Variants in GPHN observed in about 807,000 individuals in gnomAD.
GPHN encodes gephyrin.
A neutral mutation model predicts 95.5 loss-of-function variants in GPHN; 17 were observed. The ratio of observed to expected loss-of-function variants is 0.18; its 90% confidence interval spans 0.12 to 0.27. The LOEUF (loss-of-function observed/expected upper bound fraction) is 0.27, where lower values mean the gene tolerates loss of function less well. Among genes scored for constraint, GPHN ranks in the 10% least tolerant of loss-of-function variants. The pLI, the probability that GPHN is intolerant of heterozygous loss-of-function variation, is 1.00. For missense variants in GPHN, 660 were observed against 978.1 expected, an observed-to-expected ratio of 0.67 and a Z score of 4.34; for synonymous variants, 320 against 322.5, an observed-to-expected ratio of 0.99 and a Z score of 0.08.
chr14:67,158,200 G>A (rs2081730800), intron 18 of GPHN, among the ~76,000 whole-genome samples: 1 of 151,442 alleles, frequency 6.6e-6, no homozygotes. Context: ...CCAGCTACTC[G>A]GGAGGCTGAG....
chr14:67,635,157 T>C, the GPHN span, among the ~76,000 whole-genome samples: 1 of 152,178 alleles, frequency 6.6e-6, no homozygotes, highest in Non-Finnish European at 1.5e-5. Flanking sequence ...TATGTGAGAA[T>C]TGCTTGAGCC....
At chr14:66,634,706 C>A (rs530274126) in intron 1 of GPHN, among the ~76,000 whole-genome samples, 2 of 152,108 alleles carry the variant, frequency 1.3e-5, no homozygotes, top group South Asian at 2.1e-4. Flanking sequence ...CTGGCTGGTC[C>A]CCAGGCTCCT....
chr14:67,370,374 G>A, the GPHN span, among the ~76,000 whole-genome samples: 8 of 152,132 alleles, frequency 5.3e-5, no homozygotes, highest in African/African-American at 1.2e-4. Flanking sequence ...TAAGATAATC[G>A]GTGAAAATAG....
At chr14:67,428,617 C>T in the GPHN span, among the ~76,000 whole-genome samples, 1 of 152,246 alleles carries the variant, frequency 6.6e-6, no homozygotes, top group African/African-American at 2.4e-5. Context: ...AGGTTTCTCA[C>T]CAGCACACAC....
chr14:66,879,892 T>C (rs761959684), intron 4 of GPHN, 47 bp from the exon 5 acceptor site: 30 of 1,206,110 alleles, frequency 2.5e-5, no homozygotes, highest in Non-Finnish European at 3.6e-5. Context: ...GACTTCATTC[T>C]TTTTTGGCTT....
rs373667460 is a variant in GPHN, at chr14:66,824,717, AT to A, written c.294+153del. 377 of 564,488 alleles carry A rather than the reference AT, an allele frequency of 6.7e-4. No individual in the cohort carries two copies. The African/African-American group carries it at 6.7e-3, about 10-fold the overall frequency. 35.0% of individuals were successfully genotyped at this position (564,488 alleles called of 1,614,324 possible). On this transcript the variant is annotated intron_variant, in intron 4 of 22. Transcript: ENST00000478722. ...AATGTGAAAATTTTGCTGTGGATGAATTGTGAAAAATGTTTCCTGACTTTTT... is the reference window on the plus strand; with the variant it reads ...AATGTGAAAATTTTGCTGTGGATGAATGTGAAAAATGTTTCCTGACTTTTT...
intron 3 of GPHN, among the ~76,000 whole-genome samples, chr14:66,791,637 C>G (rs1232625993): frequency 1.3e-5 from 2 of 152,162 alleles, no homozygotes. Context: ...GTGGGAGTGT[C>G]TTTTAGCATG....
chr14:67,592,738 A>C, the GPHN span: 1 of 1,416,358 alleles, frequency 7.1e-7, no homozygotes, highest in Non-Finnish European at 9.9e-7. Flanking sequence ...AATAAATCAA[A>C]TAGCAAAGTC....
the GPHN span, among the ~76,000 whole-genome samples, chr14:67,641,656 C>A: frequency 6.6e-6 from 1 of 152,114 alleles, no homozygotes; most frequent in Non-Finnish European, 1.5e-5. Flanking sequence ...ATGTGAATTT[C>A]TTGGCCAGGC....
chr14:67,656,574 G>A, the GPHN span: 1 of 1,607,028 alleles, frequency 6.2e-7, no homozygotes, highest in Non-Finnish European at 8.5e-7. Flanking sequence ...ATTGCCCTTT[G>A]AGACTGTAGC....
the GPHN span, among the ~76,000 whole-genome samples, chr14:67,372,636 C>T: frequency 6.6e-6 from 1 of 152,094 alleles, no homozygotes; most frequent in Non-Finnish European, 1.5e-5. Context: ...TGAGACTATC[C>T]TGGCCAACAT....
At chr14:66,822,098 C>T (rs2061216474) in intron 3 of GPHN, among the ~76,000 whole-genome samples, 1 of 152,060 alleles carries the variant, frequency 6.6e-6, no homozygotes, top group African/African-American at 2.4e-5. Flanking sequence ...ATTAGAGGCA[C>T]CCACCACCGT....
chr14:67,054,563 C>T (rs568764783), intron 10 of GPHN, among the ~76,000 whole-genome samples: 3 of 152,112 alleles, frequency 2.0e-5, no homozygotes, highest in African/African-American at 7.2e-5. Flanking sequence ...TCCCATTAAA[C>T]TACCCTTGAC....
the GPHN span, among the ~76,000 whole-genome samples, chr14:67,673,986 C>G: frequency 6.6e-6 from 1 of 152,204 alleles, no homozygotes; most frequent in African/African-American, 2.4e-5. Context: ...TTCTGTGCTA[C>G]GGATCCTCTG....
the GPHN span, among the ~76,000 whole-genome samples, chr14:67,703,856 T>G: frequency 2.6e-5 from 4 of 152,042 alleles, no homozygotes; most frequent in African/African-American, 7.2e-5. Context: ...TTGCATTTTT[T>G]GGGTAGAGAT....
At chr14:67,142,098 G>T (rs1485118048) in intron 17 of GPHN, among the ~76,000 whole-genome samples, 1 of 152,192 alleles carries the variant, frequency 6.6e-6, no homozygotes, top group African/African-American at 2.4e-5. Flanking sequence ...GGTAGCCAGG[G>T]TTACTCCCTT....
intron 8 of GPHN, among the ~76,000 whole-genome samples, chr14:66,935,157 C>T (rs1056584730): frequency 6.6e-6 from 1 of 152,034 alleles, no homozygotes; most frequent in Non-Finnish European, 1.5e-5. Context: ...CTCAAGGCAA[C>T]TGATAGGTTC....
intron 1 of GPHN, among the ~76,000 whole-genome samples, chr14:66,604,541 C>T (rs987761601): frequency 6.6e-6 from 1 of 151,914 alleles, no homozygotes; most frequent in African/African-American, 2.4e-5. Flanking sequence ...AAAATATAAA[C>T]TTGTAAGTTC....
intron 1 of GPHN, among the ~76,000 whole-genome samples, chr14:66,664,099 G>A (rs2065810345): frequency 6.6e-6 from 1 of 152,076 alleles, no homozygotes; most frequent in Admixed American, 6.5e-5. Context: ...AGATATTCAG[G>A]ATCTGAACTC....
Sources: gnomAD v4.1 joint callset for allele counts (sites outside exome capture counted in the v4.1 genomes callset) on GRCh38, gnomAD v4.1.1 for gene constraint, MANE v1.5 for transcripts, NCBI Gene and HGNC (gene_info 2026-07-23, HGNC 2026-07-21) for gene names.